Variants in TMEM150C observed in about 807,000 individuals in gnomAD.
TMEM150C encodes the protein transmembrane protein 150C, also known as tentonin 3.
Under a neutral mutation model 29.9 loss-of-function variants are expected in TMEM150C, and 10 were observed. The ratio of observed to expected loss-of-function variants is 0.33; its 90% CI spans 0.21 to 0.57. The LOEUF (loss-of-function observed/expected upper bound fraction) is 0.57, where lower values mean the gene tolerates loss of function less well. Ranked by LOEUF, TMEM150C falls within the 20% of genes least tolerant of loss-of-function variation. TMEM150C has a pLI of 0.88. For missense variants in TMEM150C, 251 were observed against 303.6 expected, an observed-to-expected ratio of 0.83 and a Z score of 1.29; for synonymous variants, 101 against 112.5, an observed-to-expected ratio of 0.90 and a Z score of 0.64.
chr4:82,490,027 C>G, intron 7 of TMEM150C, 34 bp downstream of exon 7: 1 of 1,599,152 alleles, frequency 6.3e-7, no homozygotes, highest in Non-Finnish European at 8.5e-7. Flanking sequence ...TTTCATCTTA[C>G]TGGCAAAAGA....
chr4:82,561,815 C>T, intron 1 of TMEM150C, 91 bp downstream of exon 1: 3 of 908,662 alleles, frequency 3.3e-6, no homozygotes, highest in Non-Finnish European at 3.9e-6. Context: ...CCGCCGTCCC[C>T]GGTCTCCGCC....
intron 1 of TMEM150C, among the ~76,000 whole-genome samples, chr4:82,507,065 C>T (rs1723944402): frequency 6.6e-6 from 1 of 152,118 alleles, no homozygotes; most frequent in South Asian, 2.1e-4. Context: ...TGAGATTCAA[C>T]TAAATGAACA....
chr4:82,537,562 G>T (rs537677089), intron 1 of TMEM150C, among the ~76,000 whole-genome samples: 3 of 152,170 alleles, frequency 2.0e-5, no homozygotes, highest in Non-Finnish European at 4.4e-5. Flanking sequence ...ACTGAATTGT[G>T]TCCCTCCAGA....
chr4:82,497,583 C>T (rs1325539989), intron 5 of TMEM150C, among the ~76,000 whole-genome samples: 1 of 152,060 alleles, frequency 6.6e-6, no homozygotes, highest in Non-Finnish European at 1.5e-5. Flanking sequence ...ATTTTAGAAA[C>T]AAAATAGAGA....
At chr4:82,517,387 T>C (rs1724326548) in intron 1 of TMEM150C, among the ~76,000 whole-genome samples, 1 of 152,222 alleles carries the variant, frequency 6.6e-6, no homozygotes, top group Admixed American at 6.5e-5. Flanking sequence ...TAAAACATTA[T>C]TCCTGAGTGT....
intron 5 of TMEM150C, among the ~76,000 whole-genome samples, chr4:82,496,592 C>T (rs911669759): frequency 6.6e-6 from 1 of 152,124 alleles, no homozygotes; most frequent in African/African-American, 2.4e-5. Context: ...CTTAGGAGAG[C>T]ACTGCAGAGG....
rs140838757 is a variant in TMEM150C, at chr4:82,509,044, C to G, written c.-10-4377G>C. Among the ~76,000 whole-genome samples the G allele has an allele frequency of 5.9e-5, 9 of 152,252 alleles. No individual in the cohort carries two copies. In the East Asian group the frequency reaches 1.7e-3, roughly 29 times the overall value. ...TTTGCAAAGCTGTTATCCAGATGGT[C>G]AACTCTTCCTAAAGAGCCAATACTG... is the stretch of plus-strand genomic sequence containing the variant. On this transcript the variant is annotated intron_variant, in intron 1 of 7. Transcript: ENST00000449862.
intron 6 of TMEM150C, among the ~76,000 whole-genome samples, chr4:82,492,864 G>GTA (rs58169287): frequency 0.17 from 14,955 of 89,804 alleles, 1,179 homozygotes; most frequent in Middle Eastern, 0.27. Flanking sequence ...ATATGTTTGT[G>GTA]TATATATATA....
At chr4:82,490,595 T>G (rs1393764199) in intron 6 of TMEM150C, among the ~76,000 whole-genome samples, 2 of 151,866 alleles carry the variant, frequency 1.3e-5, no homozygotes, top group South Asian at 2.1e-4. Context: ...TTTGTTTTTG[T>G]TTTGGTTTGT....
At chr4:82,487,519 CA>C (rs1344276532) in intron 7 of TMEM150C, among the ~76,000 whole-genome samples, 1 of 152,122 alleles carries the variant, frequency 6.6e-6, no homozygotes, top group African/African-American at 2.4e-5. Context: ...AAAATATTGC[CA>C]AAGCAATATT....
intron 1 of TMEM150C, among the ~76,000 whole-genome samples, chr4:82,546,655 C>T (rs938165851): frequency 2.0e-5 from 3 of 151,980 alleles, no homozygotes; most frequent in Non-Finnish European, 4.4e-5. Context: ...AGTGAAACCC[C>T]GTCTCTACTA....
In TMEM150C at chr4:82,561,981, C is replaced by A. The variant is rs1725953432; in HGVS notation, c.-86G>T. On this transcript the variant is annotated 5_prime_UTR_variant, in exon 1 of 8. Coordinates refer to ENST00000449862, the MANE Select transcript of TMEM150C (RefSeq NM_001080506.3). ...GCGGTGGCGGCGGCGGCAGCAGTAG[C>A]GGCGGGTAGGGCGCTTCCTTCAGGA... The A allele has an allele frequency of 5.4e-6, 6 of 1,108,328 alleles. No homozygotes were observed. The highest frequency in any genetic ancestry group is 6.7e-6 in the Non-Finnish European group (6 of 901,930). The allele number at this position is 1,108,328 out of a possible 1,614,324, so 68.7% of individuals were successfully genotyped here.
intron 1 of TMEM150C, among the ~76,000 whole-genome samples, chr4:82,519,255 T>C (rs1308530131): frequency 6.6e-6 from 1 of 152,180 alleles, no homozygotes; most frequent in African/African-American, 2.4e-5. Flanking sequence ...CAGAAAGGAT[T>C]TTCCTAAGCA....
At chr4:82,502,990 A>G in intron 3 of TMEM150C, 63 bp from the exon 4 acceptor site, 1 of 1,601,752 alleles carries the variant, frequency 6.2e-7, no homozygotes, top group Non-Finnish European at 8.5e-7. Flanking sequence ...GTGCAGTTTA[A>G]CCTTCCCAGT....
At chr4:82,533,824 C>T (rs150007486) in intron 1 of TMEM150C, among the ~76,000 whole-genome samples, 2,151 of 152,272 alleles carry the variant, frequency 0.014, 26 homozygotes, top group Non-Finnish European at 0.015. Flanking sequence ...AAATGTTATC[C>T]GCACAATGAA....
chr4:82,502,447 T>C (rs115984082), intron 5 of TMEM150C, among the ~76,000 whole-genome samples: 7,019 of 152,210 alleles, frequency 0.046, 505 homozygotes, highest in African/African-American at 0.15. Flanking sequence ...TTTTATATCA[T>C]GAAATATATT....
At chr4:82,502,143 A>G (rs996644198) in intron 5 of TMEM150C, among the ~76,000 whole-genome samples, 10 of 152,228 alleles carry the variant, frequency 6.6e-5, no homozygotes, top group African/African-American at 2.4e-4. Context: ...GAGGGACAGA[A>G]TATTACAGGA....
chr4:82,561,969 C>CGGCAGCAGT lies in TMEM150C; in HGVS notation c.-83_-75dup. Reference sequence around the variant, plus strand: ...CTGTGACCTGCTGCGGTGGCGGCGGCGGCAGCAGTAGCGGCGGGTAGGGCG... The same window carrying CGGCAGCAGT: ...CTGTGACCTGCTGCGGTGGCGGCGGCGGCAGCAGTGGCAGCAGTAGCGGCGGGTAGGGCG... On this transcript the variant is annotated 5_prime_UTR_variant, in exon 1 of 8. Transcript: ENST00000449862. 1 of 1,105,384 alleles carries CGGCAGCAGT rather than the reference C, an allele frequency of 9.0e-7. No homozygotes were observed. Among genetic ancestry groups the CGGCAGCAGT allele is most frequent in the Non-Finnish European group, 1.1e-6 (1 of 900,686 alleles). The allele number at this position is 1,105,384 out of a possible 1,614,324, so 68.5% of individuals were successfully genotyped here. A position where few individuals can be genotyped will look rare whatever the true frequency, so the allele number is the denominator to read the frequency against.
intron 6 of TMEM150C, among the ~76,000 whole-genome samples, chr4:82,492,404 AG>A (rs1446469084): frequency 1.3e-5 from 2 of 152,214 alleles, no homozygotes; most frequent in Non-Finnish European, 2.9e-5. Context: ...CTGGGATTAC[AG>A]GCATGAGCCA....
Sources: gnomAD v4.1 joint callset for allele counts (sites outside exome capture counted in the v4.1 genomes callset) on GRCh38, gnomAD v4.1.1 for gene constraint, MANE v1.5 for transcripts, NCBI Gene and HGNC (gene_info 2026-07-23, HGNC 2026-07-21) for gene names.